Variants in DLG2 observed in about 807,000 individuals in gnomAD.
The protein encoded by DLG2 is disks large homolog 2.
In DLG2, 45 loss-of-function variants were observed where a neutral mutation model predicts 132.5. The ratio of observed to expected loss-of-function variants is 0.34; its 90% CI spans 0.27 to 0.44. The LOEUF is 0.44. Among genes scored for constraint, DLG2 ranks in the 20% least tolerant of loss-of-function variants. The pLI is 1.00. For missense variants in DLG2, 1,045 were observed against 1,196.9 expected (o/e 0.87, Z 1.87); for synonymous variants, 424 against 419.6 (o/e 1.01, Z -0.13).
chr11:83,570,379 A>C (rs764383244), intron 19 of DLG2, among the ~76,000 whole-genome samples: 1 of 152,184 alleles, frequency 6.6e-6, no homozygotes, highest in Non-Finnish European at 1.5e-5. Context: ...AGCACCCTGT[A>C]AACTGCAAAT....
chr11:85,429,127 C>A (rs564753232), intron 3 of DLG2, among the ~76,000 whole-genome samples: 10 of 152,068 alleles, frequency 6.6e-5, no homozygotes, highest in Non-Finnish European at 1.3e-4. Context: ...GAAATTGAGG[C>A]AATAATTAAT....
At chr11:84,642,084 A>G (rs555795030) in intron 6 of DLG2, among the ~76,000 whole-genome samples, 93 of 137,002 alleles carry the variant, frequency 6.8e-4, no homozygotes, top group Middle Eastern at 3.7e-3. Context: ...GTGTGTGTGT[A>G]TATGTAGAGT....
chr11:83,699,835 A>G (rs1027557700), intron 18 of DLG2, among the ~76,000 whole-genome samples: 10 of 146,472 alleles, frequency 6.8e-5, no homozygotes, highest in Non-Finnish European at 1.3e-4. Flanking sequence ...CTATCTATCT[A>G]TCTTTCCATG....
chr11:85,437,863 G>A (rs1017922452), intron 3 of DLG2, among the ~76,000 whole-genome samples: 11 of 152,208 alleles, frequency 7.2e-5, no homozygotes, highest in Admixed American at 2.6e-4. Context: ...AATTTTGGAC[G>A]TACTCACCCA....
intron 6 of DLG2, among the ~76,000 whole-genome samples, chr11:84,599,701 T>G (rs1477024318): frequency 6.6e-6 from 1 of 152,082 alleles, no homozygotes; most frequent in East Asian, 1.9e-4. Flanking sequence ...TGAGGCCAAT[T>G]TAGCTTCTAT....
At chr11:83,723,567 T>G (rs1253657586) in intron 18 of DLG2, among the ~76,000 whole-genome samples, 1 of 152,000 alleles carries the variant, frequency 6.6e-6, no homozygotes, top group Admixed American at 6.6e-5. Flanking sequence ...AAGCATTATC[T>G]TGGGGGGCCA....
intron 15 of DLG2, among the ~76,000 whole-genome samples, chr11:83,907,757 G>A (rs892669378): frequency 3.3e-5 from 5 of 152,154 alleles, no homozygotes. Context: ...GTGGCAAGAA[G>A]TTTATAAGCA....
At chr11:83,462,325 C>T (rs1029006068) in intron 26 of DLG2, among the ~76,000 whole-genome samples, 23 of 151,906 alleles carry the variant, frequency 1.5e-4, no homozygotes. Context: ...GGATTGAAGC[C>T]AAATATGTCT....
intron 7 of DLG2, among the ~76,000 whole-genome samples, chr11:84,519,555 A>C (rs1382858541): frequency 1.3e-5 from 2 of 152,170 alleles, no homozygotes; most frequent in African/African-American, 4.8e-5. Flanking sequence ...CTGCATTTAG[A>C]GAACCCTCCT....
intron 7 of DLG2, among the ~76,000 whole-genome samples, chr11:84,299,699 G>A (rs767100473): frequency 6.6e-6 from 1 of 152,164 alleles, no homozygotes; most frequent in Non-Finnish European, 1.5e-5. Context: ...TTGGAAAAAC[G>A]AGTCCATAGG....
chr11:83,544,578 C>T (rs994874875), intron 19 of DLG2, among the ~76,000 whole-genome samples: 2 of 152,084 alleles, frequency 1.3e-5, no homozygotes, highest in East Asian at 1.9e-4. Context: ...GTGCTCTTCA[C>T]CTTGCCCCCT....
intron 6 of DLG2, among the ~76,000 whole-genome samples, chr11:84,838,271 C>T (rs973042307): frequency 2.0e-5 from 3 of 151,798 alleles, no homozygotes; most frequent in Non-Finnish European, 2.9e-5. Context: ...CAGCTATTTA[C>T]TAGGAGTTCC....
At chr11:83,550,785 T>C (rs530471545) in intron 19 of DLG2, among the ~76,000 whole-genome samples, 15 of 152,244 alleles carry the variant, frequency 9.9e-5, no homozygotes, top group African/African-American at 3.6e-4. Flanking sequence ...AATTGAGATA[T>C]GTTAACTGAG....
chr11:84,315,300 T>C (rs1432647767), intron 7 of DLG2, among the ~76,000 whole-genome samples: 1 of 152,136 alleles, frequency 6.6e-6, no homozygotes, highest in African/African-American at 2.4e-5. Flanking sequence ...TAACCTAGTA[T>C]TAGAGATTTG....
chr11:83,524,446 A>T (rs1002047466), intron 21 of DLG2, among the ~76,000 whole-genome samples: 48 of 151,952 alleles, frequency 3.2e-4, no homozygotes, highest in African/African-American at 1.1e-3. Flanking sequence ...TTCCTGCTGA[A>T]AATTTTCTGG....
intron 7 of DLG2, among the ~76,000 whole-genome samples, chr11:84,490,812 T>C (rs1317167765): frequency 6.6e-6 from 1 of 152,176 alleles, no homozygotes; most frequent in Non-Finnish European, 1.5e-5. Flanking sequence ...TTTGACATCC[T>C]CTATTTTCTA....
intron 3 of DLG2, among the ~76,000 whole-genome samples, chr11:85,310,236 C>A (rs2080228202): frequency 6.6e-6 from 1 of 152,198 alleles, no homozygotes; most frequent in South Asian, 2.1e-4. Context: ...CACCCTTTGT[C>A]TAATTCTTTG....
chr11:84,689,072 A>G (rs991104012), intron 6 of DLG2, among the ~76,000 whole-genome samples: 8 of 152,222 alleles, frequency 5.3e-5, no homozygotes, highest in African/African-American at 1.9e-4. Context: ...GCAGTCGCTC[A>G]GCCAAATGGA....
At position 84,861,663 on chromosome 11, in the gene DLG2, G is replaced by A. The variant is rs184904602; in HGVS notation, c.357+249998C>T. ...AACAAAAAAAAAAACCTATCAGAGGGAACAGGCAACCTACAGAATGGGAGA... is the reference window on the plus strand; with the variant it reads ...AACAAAAAAAAAAACCTATCAGAGGAAACAGGCAACCTACAGAATGGGAGA... On this transcript the variant is annotated intron_variant, in intron 6 of 27. Coordinates refer to ENST00000376104, the MANE Select transcript of DLG2 (RefSeq NM_001142699.3). 3.8e-3 allele frequency among the ~76,000 whole-genome samples: 492 copies of A among 130,536 alleles called. 9 individuals are homozygous for A. The highest frequency in any genetic ancestry group is 0.014 in the African/African-American group (467 of 32,428). The allele number at this position is 130,536 out of a possible 152,430, so 85.6% of individuals were successfully genotyped here. A position where few individuals can be genotyped will look rare whatever the true frequency, so the allele number is the denominator to read the frequency against.
Sources: gnomAD v4.1 joint callset for allele counts (sites outside exome capture counted in the v4.1 genomes callset) on GRCh38, gnomAD v4.1.1 for gene constraint, MANE v1.5 for transcripts, NCBI Gene and HGNC (gene_info 2026-07-23, HGNC 2026-07-21) for gene names.